Variants in RANBP17 observed in about 807,000 individuals in gnomAD.
The protein encoded by RANBP17 is RAN binding protein 17, also known as ran-binding protein 17.
RANBP17 carries 158 observed loss-of-function variants against 141.2 expected under a neutral mutation model. The ratio of observed to expected loss-of-function variants is 1.12; its 90% CI spans 0.98 to 1.28. The LOEUF is 1.28. Ranked by LOEUF, RANBP17 falls within the 50% of genes most tolerant of loss-of-function variation. The pLI is 0.00. For synonymous variants in RANBP17, 430 were observed against 450.0 expected (o/e 0.96, Z 0.56); for missense variants, 1,438 against 1,290.7 (o/e 1.11, Z -1.75).
intron 24 of RANBP17, among the ~76,000 whole-genome samples, chr5:171,253,183 T>C (rs1481573702): frequency 6.6e-5 from 10 of 152,222 alleles, no homozygotes; most frequent in African/African-American, 2.4e-4. Context: ...TTTGCTCAGG[T>C]ATCATGCTGT....
At chr5:171,250,890 C>T (rs1287766885) in intron 24 of RANBP17, among the ~76,000 whole-genome samples, 1 of 152,170 alleles carries the variant, frequency 6.6e-6, no homozygotes, top group Non-Finnish European at 1.5e-5. Flanking sequence ...TAGTGGAGGA[C>T]TTCAACATGC....
intron 25 of RANBP17, 132 bp from the exon 26 acceptor site, chr5:171,293,751 T>G: frequency 4.3e-6 from 3 of 702,986 alleles, no homozygotes; most frequent in Non-Finnish European, 7.6e-6. Flanking sequence ...CAGAGTCTAG[T>G]CCGTTTGTCC....
At chr5:170,862,191 C>A in intron 1 of RANBP17, 140 bp downstream of exon 1, 1 of 883,174 alleles carries the variant, frequency 1.1e-6, no homozygotes, top group Non-Finnish European at 1.6e-6. Flanking sequence ...GCCCCTGCCT[C>A]TGCCCCTAGC....
intron 14 of RANBP17, among the ~76,000 whole-genome samples, chr5:170,979,041 G>A (rs1777583955): frequency 6.6e-6 from 1 of 151,880 alleles, no homozygotes; most frequent in Non-Finnish European, 1.5e-5. Context: ...TCCACAATAT[G>A]GTATGAAAAA....
intron 24 of RANBP17, among the ~76,000 whole-genome samples, chr5:171,261,972 C>G (rs1054576582): frequency 6.6e-6 from 1 of 152,176 alleles, no homozygotes; most frequent in Admixed American, 6.5e-5. Flanking sequence ...TTTTCAAAGT[C>G]CTCAACCATA....
chr5:171,100,148 T>G (rs913190104), intron 14 of RANBP17, among the ~76,000 whole-genome samples: 2 of 152,232 alleles, frequency 1.3e-5, no homozygotes, highest in Non-Finnish European at 2.9e-5. Flanking sequence ...TCCCTCTTTT[T>G]CTATTGTTTG....
intron 14 of RANBP17, among the ~76,000 whole-genome samples, chr5:171,122,651 C>A (rs1294397203): frequency 2.6e-5 from 4 of 152,216 alleles, no homozygotes; most frequent in Non-Finnish European, 5.9e-5. Context: ...CCACTGCAGA[C>A]TCCTGCAGTC....
intron 14 of RANBP17, among the ~76,000 whole-genome samples, chr5:170,971,267 G>A (rs1281466204): frequency 1.3e-5 from 2 of 152,218 alleles, no homozygotes; most frequent in Non-Finnish European, 2.9e-5. Context: ...ATGTGAGAAA[G>A]AATGTTGTAA....
chr5:171,090,878 C>T (rs1463485595), intron 14 of RANBP17, among the ~76,000 whole-genome samples: 1 of 152,180 alleles, frequency 6.6e-6, no homozygotes, highest in African/African-American at 2.4e-5. Context: ...AGTACCTCTG[C>T]CTAGACCTCA....
rs536873676 is a variant in RANBP17, at chr5:171,189,491, T to A, written c.2038+6061T>A. ...CCAGTCAGGGTCTTTACATTGCAGA[T>A]GCTCAGTAAATGCTTGTTGAATGAA... On this transcript the variant is annotated intron_variant, in intron 18 of 27. Coordinates refer to ENST00000523189, the MANE Select transcript of RANBP17 (RefSeq NM_022897.5). Among the ~76,000 whole-genome samples, 4 of 152,362 alleles carry A rather than the reference T, an allele frequency of 2.6e-5. No homozygotes were observed. The East Asian group carries it at 7.7e-4, about 29-fold the overall frequency.
At chr5:171,214,165 A>G (rs760388878) in intron 21 of RANBP17, among the ~76,000 whole-genome samples, 7 of 152,156 alleles carry the variant, frequency 4.6e-5, no homozygotes, top group Non-Finnish European at 1.0e-4. Context: ...AATTCATGGG[A>G]ACATAGTTTG....
At chr5:171,130,963 A>G (rs1327235711) in intron 14 of RANBP17, among the ~76,000 whole-genome samples, 1 of 152,172 alleles carries the variant, frequency 6.6e-6, no homozygotes, top group Non-Finnish European at 1.5e-5. Flanking sequence ...GAAATTTGTT[A>G]TGTTTCACAT....
intron 14 of RANBP17, among the ~76,000 whole-genome samples, chr5:171,111,126 A>G (rs1436625401): frequency 6.6e-6 from 1 of 151,408 alleles, no homozygotes; most frequent in Non-Finnish European, 1.5e-5. Context: ...ATCTGCTTTC[A>G]GGAAGAAAAA....
chr5:171,115,288 C>T (rs1220572951), intron 14 of RANBP17, among the ~76,000 whole-genome samples: 2 of 151,984 alleles, frequency 1.3e-5, no homozygotes, highest in African/African-American at 4.8e-5. Flanking sequence ...AGTATATTAG[C>T]AAATTCTACT....
At chr5:170,913,053 A>G (rs1771660497) in intron 7 of RANBP17, among the ~76,000 whole-genome samples, 3 of 152,034 alleles carry the variant, frequency 2.0e-5, no homozygotes, top group Non-Finnish European at 4.4e-5. Context: ...AGAAAACAAT[A>G]GAGAAGTATC....
intron 14 of RANBP17, among the ~76,000 whole-genome samples, chr5:171,008,790 G>T (rs768910315): frequency 6.6e-6 from 1 of 152,138 alleles, no homozygotes; most frequent in Non-Finnish European, 1.5e-5. Context: ...CCATCTGGAT[G>T]TATACAGGCA....
At chr5:171,204,601 A>G (rs1344676010) in intron 19 of RANBP17, among the ~76,000 whole-genome samples, 1 of 152,096 alleles carries the variant, frequency 6.6e-6, no homozygotes, top group Admixed American at 6.5e-5. Flanking sequence ...TTTTGTAATT[A>G]TGTTTATTTG....
At chr5:171,018,486 G>T (rs1393370072) in intron 14 of RANBP17, among the ~76,000 whole-genome samples, 1 of 152,134 alleles carries the variant, frequency 6.6e-6, no homozygotes, top group East Asian at 1.9e-4. Context: ...CTTGTTAGCT[G>T]TATTCGTAGG....
At chr5:171,005,818 T>C (rs1779559597) in intron 14 of RANBP17, among the ~76,000 whole-genome samples, 1 of 152,142 alleles carries the variant, frequency 6.6e-6, no homozygotes, top group South Asian at 2.1e-4. Context: ...ACCTACAGAA[T>C]GGGGGAAAAT....
Sources: allele counts gnomAD v4.1 joint callset (sites outside exome capture counted in the v4.1 genomes callset), GRCh38; gene constraint gnomAD v4.1.1; transcripts MANE v1.5; gene names NCBI Gene and HGNC (gene_info 2026-07-23, HGNC 2026-07-21).